The following NCOA1 variants were observed in gnomAD, a reference collection of about 807,000 sequenced individuals.
NCOA1 encodes the protein nuclear receptor coactivator 1, also known as Hin-2 protein.
NCOA1 carries 35 observed loss-of-function variants against 150.9 expected under a neutral mutation model. The observed-to-expected ratio is 0.23, with a 90% CI of 0.18 to 0.31. The LOEUF (loss-of-function observed/expected upper bound fraction) is 0.31, where lower values mean the gene tolerates loss of function less well. NCOA1 is among the 10% of genes least tolerant of loss of function. The probability of loss-of-function intolerance (pLI) is 1.00; values close to 1 mark genes in which losing one functional copy is unlikely to be tolerated. For synonymous variants in NCOA1, 590 were observed against 630.0 expected, an observed-to-expected ratio of 0.94 and a Z score of 0.95; for missense variants, 1,491 against 1,749.3, an observed-to-expected ratio of 0.85 and a Z score of 2.63.
chr2:24,604,543 T>C (rs1484635713), intron 3 of NCOA1, among the ~76,000 whole-genome samples: 1 of 152,266 alleles, frequency 6.6e-6, no homozygotes, highest in South Asian at 2.1e-4. Flanking sequence ...TTTTATGTTA[T>C]GGAGACAGCT....
chr2:24,721,103 A>C (rs4665716), intron 14 of NCOA1, among the ~76,000 whole-genome samples: 1 of 152,122 alleles, frequency 6.6e-6, no homozygotes, highest in Non-Finnish European at 1.5e-5. Flanking sequence ...TCTGAGCTCA[A>C]CTTTCCAGAT....
intron 1 of NCOA1, among the ~76,000 whole-genome samples, chr2:24,502,031 G>A (rs1663484556): frequency 6.6e-6 from 1 of 152,168 alleles, no homozygotes; most frequent in Non-Finnish European, 1.5e-5. Context: ...ACAGGTGTTT[G>A]AGTTCTGTCT....
intron 3 of NCOA1, among the ~76,000 whole-genome samples, chr2:24,614,319 G>A (rs1244861369): frequency 1.4e-5 from 2 of 146,510 alleles, no homozygotes; most frequent in Non-Finnish European, 3.0e-5. Context: ...CTGGGGTCAG[G>A]GGATCCTCCC....
intron 3 of NCOA1, among the ~76,000 whole-genome samples, chr2:24,615,761 A>AT (rs1668847293): frequency 6.6e-6 from 1 of 152,148 alleles, no homozygotes; most frequent in African/African-American, 2.4e-5. Context: ...GCTAGGACAC[A>AT]TAGGAGGGTT....
chr2:24,741,869 A>G lies in NCOA1; in HGVS notation c.3389A>G (p.Gln1130Arg). The G allele has an allele frequency of 1.2e-6, 2 of 1,614,250 alleles. No individual in the cohort carries two copies. The highest frequency in any genetic ancestry group is 8.5e-7 in the Non-Finnish European group (1 of 1,180,044). The stretch of plus-strand genomic sequence containing the variant: ...CGACAGAGGCAGCTAATACAGCAGC[A>G]AAGAGCCATGCTTATGAGGCAGCAA... ...QHRQRQLIQQ[Q>R]RAMLMRQQSF... is the part of the protein sequence containing the mutation. The change falls in exon 19 of 23, where the codon CAA (glutamine) becomes CGA (arginine). Residue 1130 changes from glutamine (Q) to arginine (R), a missense_variant. Gln to Arg is a conservative substitution (Grantham distance 43, BLOSUM62 1). Around this residue, in one of 8 missense-constraint regions of NCOA1, gnomAD observed 485 missense variants for 522.8 expected, o/e 0.93. Coordinates refer to ENST00000348332, the MANE Select transcript of NCOA1 (RefSeq NM_003743.5).
intron 4 of NCOA1, among the ~76,000 whole-genome samples, chr2:24,646,358 A>G (rs985854348): frequency 5.3e-5 from 8 of 152,162 alleles, no homozygotes; most frequent in African/African-American, 1.4e-4. Context: ...CCTTCACTCT[A>G]AAATATTTCC....
intron 2 of NCOA1, among the ~76,000 whole-genome samples, chr2:24,566,421 C>G (rs893202185): frequency 2.0e-5 from 3 of 152,008 alleles, no homozygotes; most frequent in African/African-American, 7.3e-5. Flanking sequence ...AGAGAGGAGA[C>G]CCTGGAGTGG....
In NCOA1 at chr2:24,768,925, G is replaced by A; in HGVS notation, c.*534G>A. 1 of 217,986 alleles carries A rather than the reference G, an allele frequency of 4.6e-6. No individual in the cohort carries two copies. Among genetic ancestry groups the A allele is most frequent in the Non-Finnish European group, 9.2e-6 (1 of 108,220 alleles). The allele number at this position is 217,986 out of a possible 1,614,324, so 13.5% of individuals were successfully genotyped here. On this transcript the variant is annotated 3_prime_UTR_variant, in exon 23 of 23. Transcript: ENST00000348332. ...CAGCTTCTCTAGCAACTCTGTATCT[G>A]TTGGCTTCAAGAGAATATTTTGCCT...
At chr2:24,720,973 ATCC>A (rs1674332689) in intron 14 of NCOA1, among the ~76,000 whole-genome samples, 1 of 152,190 alleles carries the variant, frequency 6.6e-6, no homozygotes, top group Non-Finnish European at 1.5e-5. Flanking sequence ...TTTAATTATC[ATCC>A]TCCTTCACCA....
chr2:24,513,424 C>T (rs1187847020), intron 1 of NCOA1, among the ~76,000 whole-genome samples: 1 of 151,586 alleles, frequency 6.6e-6, no homozygotes, highest in East Asian at 1.9e-4. Flanking sequence ...TTTTTTCCTG[C>T]AATTTCTATT....
Position 24,706,653 on chromosome 2 carries a change from T to C in NCOA1, c.1183T>C (p.Ser395Pro), listed in dbSNP as rs746739922. The change falls in exon 13 of 23, where the codon TCT becomes CCT. Residue 395 changes from serine to proline, a missense_variant. Ser to Pro is a moderately conservative substitution (Grantham distance 74). Around this residue, in one of 8 missense-constraint regions of NCOA1, gnomAD observed 703 missense variants for 717.7 expected, o/e 0.98. Coordinates refer to ENST00000348332, the MANE Select transcript of NCOA1 (RefSeq NM_003743.5). ...AAATCCCTCGGTCAATCCTAGTATC[T>C]CTCCAGCTCATGGTGTGGCTCGTTC... ...RVNPSVNPSI[S>P]PAHGVARSST... 8 of 1,614,186 alleles carry C rather than the reference T, an allele frequency of 5.0e-6. No individual in the cohort carries two copies. In the South Asian group the frequency reaches 8.8e-5, roughly 18 times the overall value.
rs1325033451 is a variant in NCOA1, at chr2:24,770,390, A to G, written c.*1999A>G. ...AGTAAGGAAAATTGGAGATGCTAAC[A>G]TCCTCCCCCATCCCAACTGCACCTT... On this transcript the variant is annotated 3_prime_UTR_variant, in exon 23 of 23. Transcript: ENST00000348332. 1 of 230,048 alleles carries G rather than the reference A, an allele frequency of 4.3e-6. No homozygotes were observed. Among genetic ancestry groups the G allele is most frequent in the African/African-American group, 2.2e-5 (1 of 45,138 alleles). 14.3% of individuals were successfully genotyped at this position (230,048 alleles called of 1,614,324 possible).
At chr2:24,610,517 T>G (rs1430010744) in intron 3 of NCOA1, among the ~76,000 whole-genome samples, 1 of 152,078 alleles carries the variant, frequency 6.6e-6, no homozygotes, top group Non-Finnish European at 1.5e-5. Flanking sequence ...TCTTCCATTA[T>G]GATTTTACTT....
chr2:24,704,907 G>A (rs550560714), intron 11 of NCOA1, among the ~76,000 whole-genome samples, 179 bp from the exon 12 acceptor site: 2 of 152,194 alleles, frequency 1.3e-5, no homozygotes, highest in East Asian at 3.9e-4. Context: ...TATTTCAACT[G>A]GAATCATCTT....
At chr2:24,734,951 A>T (rs1663220884) in intron 17 of NCOA1, among the ~76,000 whole-genome samples, 1 of 152,232 alleles carries the variant, frequency 6.6e-6, no homozygotes, top group African/African-American at 2.4e-5. Context: ...AGACTTAATA[A>T]GAGACAGAGG....
chr2:24,676,430 T>C (rs1317436520), intron 7 of NCOA1: 3 of 152,408 alleles, frequency 2.0e-5, no homozygotes, highest in African/African-American at 7.2e-5. Context: ...TGAACCCAAC[T>C]TATACCACAG....
chr2:24,621,697 C>T (rs904353165), intron 3 of NCOA1, among the ~76,000 whole-genome samples: 1 of 151,978 alleles, frequency 6.6e-6, no homozygotes, highest in Non-Finnish European at 1.5e-5. Flanking sequence ...CCAGGCTGGT[C>T]TCAAACTCCA....
chr2:24,668,960 C>T (rs1404377223), intron 6 of NCOA1, among the ~76,000 whole-genome samples: 5 of 152,006 alleles, frequency 3.3e-5, no homozygotes, highest in Admixed American at 6.6e-5. Context: ...CACATCGGCT[C>T]CCTTATAAAG....
intron 1 of NCOA1, among the ~76,000 whole-genome samples, chr2:24,516,966 G>GTA (rs761011452): frequency 0.032 from 2,736 of 84,362 alleles, 156 homozygotes; most frequent in African/African-American, 0.065. Context: ...GTATATATAC[G>GTA]TATATATACA....
Sources: gnomAD v4.1 joint callset for allele counts (sites outside exome capture counted in the v4.1 genomes callset) on GRCh38, gnomAD v4.1.1 for gene constraint, gnomAD v4.1.1 regional missense constraint, MANE v1.5 for transcripts, NCBI Gene and HGNC (gene_info 2026-07-23, HGNC 2026-07-21) for gene names.